Variants in GRID2 observed in about 807,000 individuals in gnomAD.
GRID2 encodes the protein glutamate ionotropic receptor delta type subunit 2.
GRID2 carries 33 observed loss-of-function variants against 114.8 expected under a neutral mutation model. The observed-to-expected ratio is 0.29, with a 90% CI of 0.22 to 0.38. GRID2 has a LOEUF of 0.38. Among genes scored for constraint, GRID2 ranks in the 10% least tolerant of loss-of-function variants. GRID2 has a pLI of 1.00. For synonymous variants in GRID2, 505 were observed against 449.9 expected (o/e 1.12, Z -1.55); for missense variants, 1,184 against 1,257.7 (o/e 0.94, Z 0.89).
chr4:93,565,536 T>C (rs1205693040), intron 13 of GRID2, among the ~76,000 whole-genome samples: 1 of 152,046 alleles, frequency 6.6e-6, no homozygotes, highest in Non-Finnish European at 1.5e-5. Flanking sequence ...AAAAAACCTA[T>C]TGTATTAAAA....
At chr4:93,679,843 C>T (rs1725325618) in intron 14 of GRID2, among the ~76,000 whole-genome samples, 1 of 150,886 alleles carries the variant, frequency 6.6e-6, no homozygotes, top group Admixed American at 6.6e-5. Flanking sequence ...CCAAAATTGA[C>T]ACCCTAACAT....
At chr4:92,824,614 G>T (rs1438405919) in intron 2 of GRID2, among the ~76,000 whole-genome samples, 1 of 152,086 alleles carries the variant, frequency 6.6e-6, no homozygotes, top group Non-Finnish European at 1.5e-5. Context: ...ATAATTATCA[G>T]ACCCACCTCA....
chr4:92,466,378 T>G (rs1160203984), intron 1 of GRID2, among the ~76,000 whole-genome samples: 1 of 151,884 alleles, frequency 6.6e-6, no homozygotes, highest in Non-Finnish European at 1.5e-5. Flanking sequence ...AGTCTGTACA[T>G]TTTTTCCTTT....
chr4:92,922,046 G>A (rs1749394148), intron 2 of GRID2, among the ~76,000 whole-genome samples: 1 of 152,168 alleles, frequency 6.6e-6, no homozygotes, highest in Non-Finnish European at 1.5e-5. Flanking sequence ...CTGGGCAATT[G>A]TGGGAGCCCC....
rs191037882 is a variant in GRID2 at position 93,238,439 on chromosome 4, T to C, written c.1194T>C (p.Phe398=). ...ATGGAGGCAATCCCAATGTCCACTT[T>C]GAAATCCTTGGAACCAACTATGGAG... ...GENGGNPNVH[F]EILGTNYGEE... is the part of the protein sequence containing the mutation. Residue 398 remains phenylalanine, a synonymous_variant, in exon 8 of 16, where the codon TTT becomes TTC. Coordinates refer to ENST00000282020, the MANE Select transcript of GRID2 (RefSeq NM_001510.4). 1 of 1,609,916 alleles carries C rather than the reference T, an allele frequency of 6.2e-7. No individual in the cohort carries two copies. Among genetic ancestry groups the C allele is most frequent in the African/African-American group, 1.3e-5 (1 of 74,896 alleles).
chr4:92,503,895 A>G (rs1011495257), intron 1 of GRID2, among the ~76,000 whole-genome samples: 9 of 152,114 alleles, frequency 5.9e-5, no homozygotes, highest in Non-Finnish European at 1.0e-4. Context: ...TAGTTAATGA[A>G]GAACTGGAGG....
intron 2 of GRID2, among the ~76,000 whole-genome samples, chr4:92,893,613 TAC>T (rs1746955063): frequency 6.6e-6 from 1 of 152,132 alleles, no homozygotes; most frequent in Non-Finnish European, 1.5e-5. Flanking sequence ...TCTTAATCTT[TAC>T]AGTTTGTCAA....
At chr4:93,734,500 A>G (rs1029529613) in intron 14 of GRID2, among the ~76,000 whole-genome samples, 1 of 152,036 alleles carries the variant, frequency 6.6e-6, no homozygotes, top group Non-Finnish European at 1.5e-5. Flanking sequence ...TAAAATCACC[A>G]CCACAAAAAT....
chr4:92,384,630 TAATA>T (rs1729840820), intron 1 of GRID2, among the ~76,000 whole-genome samples: 2 of 90,064 alleles, frequency 2.2e-5, no homozygotes, highest in Non-Finnish European at 4.1e-5. Context: ...ATATTATATA[TAATA>T]TATATTATAT....
chr4:92,727,001 T>A (rs1038019613), intron 2 of GRID2, among the ~76,000 whole-genome samples: 1 of 152,106 alleles, frequency 6.6e-6, no homozygotes, highest in Admixed American at 6.6e-5. Context: ...TAAGGGTTTC[T>A]TTCCTTTCTG....
intron 14 of GRID2, among the ~76,000 whole-genome samples, chr4:93,758,582 T>A (rs1732954851): frequency 6.6e-6 from 1 of 152,236 alleles, no homozygotes; most frequent in Non-Finnish European, 1.5e-5. Flanking sequence ...AGTATCCTTC[T>A]TAATCTTCTC....
At position 92,650,022 on chromosome 4, in the gene GRID2, A is replaced by G. The variant is rs113045871; in HGVS notation, c.244+59736A>G. ...ATGCATATCACTTTCACACCATTGTACATTTGAAAAATCATAAGTTGAACC... is the reference window on the plus strand; with the variant it reads ...ATGCATATCACTTTCACACCATTGTGCATTTGAAAAATCATAAGTTGAACC... On this transcript the variant is annotated intron_variant, in intron 2 of 15. Coordinates refer to ENST00000282020, the MANE Select transcript of GRID2 (RefSeq NM_001510.4). 3.5e-3 allele frequency among the ~76,000 whole-genome samples: 531 copies of G among 152,180 alleles called. 2 individuals are homozygous for G. The highest frequency in any genetic ancestry group is 0.014 in the Middle Eastern group (4 of 294).
chr4:92,607,039 A>C (rs1286634281), intron 2 of GRID2, among the ~76,000 whole-genome samples: 6 of 152,006 alleles, frequency 3.9e-5, no homozygotes, highest in Non-Finnish European at 5.9e-5. Context: ...GAGCAGAAAC[A>C]CAGCTATCTC....
intron 2 of GRID2, among the ~76,000 whole-genome samples, chr4:92,979,491 G>T (rs1043916451): frequency 2.0e-5 from 3 of 152,082 alleles, no homozygotes; most frequent in African/African-American, 4.8e-5. Flanking sequence ...ATAAAATTCT[G>T]TGTTTTAAGA....
chr4:92,401,367 T>C (rs374057968), intron 1 of GRID2, among the ~76,000 whole-genome samples: 2 of 152,182 alleles, frequency 1.3e-5, no homozygotes, highest in East Asian at 3.8e-4. Flanking sequence ...CAGATACCTA[T>C]AGTGAACCAA....
intron 2 of GRID2, among the ~76,000 whole-genome samples, chr4:92,872,754 C>G (rs1330591286): frequency 6.6e-6 from 1 of 152,150 alleles, no homozygotes; most frequent in East Asian, 1.9e-4. Context: ...AGCTCAGTGA[C>G]CTTACCCCTT....
intron 1 of GRID2, among the ~76,000 whole-genome samples, chr4:92,343,939 A>G (rs889170768): frequency 6.6e-6 from 1 of 152,222 alleles, no homozygotes; most frequent in Non-Finnish European, 1.5e-5. Flanking sequence ...AAGAAAAAGT[A>G]TATTTTATGT....
intron 13 of GRID2, among the ~76,000 whole-genome samples, chr4:93,572,445 A>G (rs1578289477): frequency 1.3e-5 from 2 of 152,080 alleles, no homozygotes; most frequent in East Asian, 3.9e-4. Flanking sequence ...TTAGACACAT[A>G]TATAATTTAA....
In GRID2 at chr4:93,083,601, C is replaced by T. The variant is rs1730070791; in HGVS notation, c.245-1394C>T. Among the ~76,000 whole-genome samples, 3 of 147,930 alleles carry T rather than the reference C, an allele frequency of 2.0e-5. No homozygotes were observed. In the South Asian group the frequency reaches 6.3e-4, roughly 31 times the overall value. On this transcript the variant is annotated intron_variant, in intron 2 of 15. Transcript: ENST00000282020. Reference sequence around the variant, plus strand: ...ATCCCACCTACTCAGGAGGCTGAGGCAGGAGAATCACTTGAACCCAGGATG... The same window carrying T: ...ATCCCACCTACTCAGGAGGCTGAGGTAGGAGAATCACTTGAACCCAGGATG...
Sources: gnomAD v4.1 joint callset for allele counts (sites outside exome capture counted in the v4.1 genomes callset) on GRCh38, gnomAD v4.1.1 for gene constraint, MANE v1.5 for transcripts, NCBI Gene and HGNC (gene_info 2026-07-23, HGNC 2026-07-21) for gene names.